Variants in VWA8 observed in about 807,000 individuals in gnomAD.
The protein encoded by VWA8 is von Willebrand factor A domain-containing protein 8.
Under a neutral mutation model 241.5 loss-of-function variants are expected in VWA8, and 221 were observed. The observed-to-expected ratio is 0.91, with a 90% CI of 0.82 to 1.02. The LOEUF is 1.02. Among genes scored for constraint, VWA8 ranks in the 50% least tolerant of loss-of-function variants. VWA8 has a pLI of 0.00. For missense variants in VWA8, 2,322 were observed against 2,328.7 expected, an observed-to-expected ratio of 1.00 and a Z score of 0.06; for synonymous variants, 852 against 827.1, an observed-to-expected ratio of 1.03 and a Z score of -0.52.
intron 21 of VWA8, among the ~76,000 whole-genome samples, chr13:41,742,900 A>G (rs1050454977): frequency 6.6e-6 from 1 of 152,208 alleles, no homozygotes; most frequent in Non-Finnish European, 1.5e-5. Flanking sequence ...GGTGGCACAA[A>G]GAAAGGAATC....
chr13:41,779,572 A>G lies in VWA8; in HGVS notation c.2278-1516T>C, dbSNP rs1257615375. Among the ~76,000 whole-genome samples the G allele has an allele frequency of 2.6e-5, 4 of 152,210 alleles. No individual in the cohort carries two copies. In the South Asian group the frequency reaches 8.3e-4, roughly 32 times the overall value. Reference sequence around the variant, plus strand: ...CACTATTAATAATTATGCTGGGACAACAAGTATAAGCAGAAACTATGTTAA... The same window carrying G: ...CACTATTAATAATTATGCTGGGACAGCAAGTATAAGCAGAAACTATGTTAA... On this transcript the variant is annotated intron_variant, in intron 19 of 44. Transcript: ENST00000379310.
chr13:41,625,902 A>G (rs1566392742), intron 37 of VWA8, among the ~76,000 whole-genome samples: 1 of 150,632 alleles, frequency 6.6e-6, no homozygotes, highest in Non-Finnish European at 1.5e-5. Flanking sequence ...CTATGCAGCC[A>G]TAAAAAATGA....
At chr13:41,929,916 G>A (rs1461824472) in intron 2 of VWA8, among the ~76,000 whole-genome samples, 1 of 152,074 alleles carries the variant, frequency 6.6e-6, no homozygotes, top group African/African-American at 2.4e-5. Flanking sequence ...CTTTTGCACA[G>A]CATAGAAAAC....
At chr13:41,850,910 A>T (rs1450565774) in intron 12 of VWA8, among the ~76,000 whole-genome samples, 1 of 152,224 alleles carries the variant, frequency 6.6e-6, no homozygotes, top group Non-Finnish European at 1.5e-5. Context: ...GTCTTAAAGG[A>T]ACAGTGAGCT....
intron 15 of VWA8, among the ~76,000 whole-genome samples, chr13:41,817,689 A>G (rs1036187274): frequency 3.9e-5 from 6 of 152,228 alleles, no homozygotes; most frequent in African/African-American, 1.4e-4. Flanking sequence ...CTGGAAGCTA[A>G]TAAGTAGTGG....
At chr13:41,918,571 A>G (rs1050080258) in intron 2 of VWA8, among the ~76,000 whole-genome samples, 23 of 152,288 alleles carry the variant, frequency 1.5e-4, no homozygotes, top group African/African-American at 5.5e-4. Flanking sequence ...TAATTTCTCA[A>G]TGTATATCTT....
At chr13:41,917,773 A>C (rs1261983567) in intron 2 of VWA8, among the ~76,000 whole-genome samples, 1 of 152,230 alleles carries the variant, frequency 6.6e-6, no homozygotes, top group Non-Finnish European at 1.5e-5. Context: ...TACTTACTAC[A>C]TCCTCACTGG....
At chr13:41,582,327 G>A (rs2044388310) in intron 42 of VWA8, among the ~76,000 whole-genome samples, 1 of 152,142 alleles carries the variant, frequency 6.6e-6, no homozygotes, top group Non-Finnish European at 1.5e-5. Flanking sequence ...ATGACCCACG[G>A]CTCAGGAGCT....
At chr13:41,936,912 T>C (rs1374659590) in intron 2 of VWA8, among the ~76,000 whole-genome samples, 1 of 152,182 alleles carries the variant, frequency 6.6e-6, no homozygotes, top group Admixed American at 6.5e-5. Flanking sequence ...GATTGCATAT[T>C]AGATGATGGT....
intron 12 of VWA8, among the ~76,000 whole-genome samples, chr13:41,847,676 T>C (rs974669097): frequency 1.3e-5 from 2 of 152,132 alleles, no homozygotes; most frequent in Admixed American, 6.5e-5. Context: ...CACTGGAAGT[T>C]TTTCAAAGAT....
At chr13:41,808,382 G>T (rs1051078625) in intron 17 of VWA8, among the ~76,000 whole-genome samples, 4 of 152,112 alleles carry the variant, frequency 2.6e-5, no homozygotes, top group African/African-American at 9.7e-5. Flanking sequence ...CTTATGGGGA[G>T]GCTTTAGGAA....
chr13:41,859,527 A>C (rs972007503), intron 12 of VWA8, among the ~76,000 whole-genome samples: 3 of 152,202 alleles, frequency 2.0e-5, no homozygotes, highest in African/African-American at 7.2e-5. Flanking sequence ...ATTGATCAGA[A>C]GGAAAAGATC....
Position 41,703,361 on chromosome 13 carries a change from G to C in VWA8, c.3167C>G (p.Ala1056Gly), listed in dbSNP as rs1451219519. ...TFMGYWTIGQ[A>G]RSGMQKLLCP... ...CAAGAGTTTTTGCATCCCACTTCTT[G>C]CCTGACCAATTGTCCAGTAGCCCAT... Residue 1056 changes from alanine (A) to glycine (G), a missense_variant, in exon 27 of 45, where the codon GCA becomes GGA. By Grantham distance (60) the Ala-to-Gly change is moderately conservative. Coordinates refer to ENST00000379310, the MANE Select transcript of VWA8 (RefSeq NM_015058.2). 1 of 1,613,936 alleles carries C rather than the reference G, an allele frequency of 6.2e-7. No individual in the cohort carries two copies. Among genetic ancestry groups the C allele is most frequent in the African/African-American group, 1.3e-5 (1 of 74,906 alleles).
chr13:41,766,953 A>G (rs145789660), intron 20 of VWA8, among the ~76,000 whole-genome samples: 60 of 152,342 alleles, frequency 3.9e-4, no homozygotes, highest in African/African-American at 1.4e-3. Flanking sequence ...AAGGTTCAGA[A>G]GGGAGAACAG....
At chr13:41,654,855 G>C (rs1319282363) in intron 37 of VWA8, among the ~76,000 whole-genome samples, 1 of 152,196 alleles carries the variant, frequency 6.6e-6, no homozygotes, top group Non-Finnish European at 1.5e-5. Context: ...GGTCATGAAA[G>C]TCAAGGAAAG....
At position 41,747,246 on chromosome 13, in the gene VWA8, C is replaced by T. The variant is rs921490732; in HGVS notation, c.2426+13882G>A. Among the ~76,000 whole-genome samples the T allele has an allele frequency of 3.3e-5, 5 of 152,260 alleles. No individual in the cohort carries two copies. The East Asian group carries it at 9.7e-4, about 29-fold the overall frequency. ...TATCCATGAGCATGGAATGTTCTTC[C>T]ATTTGTTTGTATCCTCTTTTATTTC... is the stretch of plus-strand genomic sequence containing the variant. On this transcript the variant is annotated intron_variant, in intron 21 of 44. Transcript: ENST00000379310.
chr13:41,888,439 C>G (rs1874653164), intron 5 of VWA8, among the ~76,000 whole-genome samples: 1 of 152,174 alleles, frequency 6.6e-6, no homozygotes, highest in Non-Finnish European at 1.5e-5. Context: ...CGCCCGTCCC[C>G]TTGACCCTCC....
intron 17 of VWA8, among the ~76,000 whole-genome samples, chr13:41,797,462 T>C (rs1869758637): frequency 6.6e-6 from 1 of 152,226 alleles, no homozygotes; most frequent in South Asian, 2.1e-4. Context: ...ATCAAGTTTG[T>C]TAATGGTTTT....
intron 7 of VWA8, among the ~76,000 whole-genome samples, chr13:41,886,253 T>C (rs1874529024): frequency 6.6e-6 from 1 of 152,192 alleles, no homozygotes. Context: ...TTTCACCACC[T>C]GGTCCAAATC....
Sources: allele counts gnomAD v4.1 joint callset (sites outside exome capture counted in the v4.1 genomes callset), GRCh38; gene constraint gnomAD v4.1.1; transcripts MANE v1.5; gene names NCBI Gene and HGNC (gene_info 2026-07-23, HGNC 2026-07-21).